Variants in DACH2 observed in about 807,000 individuals in gnomAD.
The protein encoded by DACH2 is dachshund homolog 2.
Under a neutral mutation model 35.8 loss-of-function variants are expected in DACH2, and 17 were observed. That is an observed-to-expected ratio of 0.48 (90% CI 0.33 to 0.71). The LOEUF is 0.71. DACH2 is among the 30% of genes least tolerant of loss of function. The pLI is 0.02. For synonymous variants in DACH2, 195 were observed against 177.3 expected, an observed-to-expected ratio of 1.10 and a Z score of -0.79; for missense variants, 469 against 472.7, an observed-to-expected ratio of 0.99 and a Z score of 0.07.
At chrX:86,608,462 A>G (rs1165719270) in intron 3 of DACH2, among the ~76,000 whole-genome samples, 2 of 112,065 alleles carry the variant, frequency 1.8e-5, no homozygotes, top group Admixed American at 1.9e-4. Context: ...TACTTAGGAT[A>G]AGAGTAGTTG....
intron 1 of DACH2, among the ~76,000 whole-genome samples, chrX:86,187,375 C>G (rs1387583609): frequency 9.3e-6 from 1 of 107,302 alleles, no homozygotes; most frequent in Non-Finnish European, 1.9e-5. Context: ...GCTATAATTT[C>G]TATTCAATAA....
chrX:86,150,114 AG>A (rs201152875), intron 1 of DACH2, among the ~76,000 whole-genome samples: 1 of 108,300 alleles, frequency 9.2e-6, no homozygotes, highest in African/African-American at 3.3e-5. Context: ...GAGTTTAAAA[AG>A]AAAAAAAGTA....
intron 7 of DACH2, among the ~76,000 whole-genome samples, chrX:86,747,684 G>T (rs2041728323): frequency 8.9e-6 from 1 of 111,796 alleles, no homozygotes; most frequent in African/African-American, 3.2e-5. Flanking sequence ...TTTACTGGTG[G>T]AGGGCCTTGC....
intron 2 of DACH2, among the ~76,000 whole-genome samples, chrX:86,393,096 T>G (rs969755586): frequency 2.6e-4 from 29 of 111,277 alleles, no homozygotes; most frequent in African/African-American, 9.2e-4. Flanking sequence ...AATGCTACCC[T>G]GTAGCATTTT....
chrX:86,772,685 A>T (rs929256019), intron 7 of DACH2, among the ~76,000 whole-genome samples: 2 of 111,427 alleles, frequency 1.8e-5, no homozygotes, highest in African/African-American at 6.5e-5. Context: ...CAGAGTTATT[A>T]TTCCCTTTTT....
intron 2 of DACH2, among the ~76,000 whole-genome samples, chrX:86,392,979 C>G (rs1474940599): frequency 9.1e-6 from 1 of 110,346 alleles, no homozygotes; most frequent in Non-Finnish European, 1.9e-5. Flanking sequence ...TAGTGGGTAG[C>G]AGTCAGGAAT....
intron 2 of DACH2, among the ~76,000 whole-genome samples, chrX:86,442,650 CAA>C (rs2037188833): frequency 9.2e-6 from 1 of 108,126 alleles, no homozygotes; most frequent in African/African-American, 3.4e-5. Flanking sequence ...AGCATCTCCC[CAA>C]GTTTTCTTCT....
At chrX:86,705,289 G>A (rs1378444202) in intron 5 of DACH2, among the ~76,000 whole-genome samples, 7 of 109,318 alleles carry the variant, frequency 6.4e-5, no homozygotes, top group South Asian at 7.9e-4. Context: ...TGGGGACTCC[G>A]GAAAATTTGG....
chrX:86,467,653 C>T (rs113431391), intron 2 of DACH2, among the ~76,000 whole-genome samples: 8,593 of 111,065 alleles, frequency 0.077, 851 homozygotes, highest in African/African-American at 0.27. Flanking sequence ...TACCAATTTA[C>T]TGTATTAGTT....
At chrX:86,515,215 A>G (rs769100127) in intron 3 of DACH2, among the ~76,000 whole-genome samples, 16 of 110,819 alleles carry the variant, frequency 1.4e-4, no homozygotes, top group African/African-American at 4.9e-4. Flanking sequence ...AACTGGGGAG[A>G]GTGGAATGTA....
chrX:86,758,019 T>C (rs964261150), intron 7 of DACH2, among the ~76,000 whole-genome samples: 6 of 112,176 alleles, frequency 5.3e-5, no homozygotes, highest in Non-Finnish European at 1.1e-4. Flanking sequence ...TTTTTCTATT[T>C]TCTCTAGGTT....
chrX:86,792,636 A>G (rs1362177495), intron 7 of DACH2, among the ~76,000 whole-genome samples: 1 of 111,636 alleles, frequency 9.0e-6, no homozygotes, highest in Non-Finnish European at 1.9e-5. Flanking sequence ...TTTGTATTTC[A>G]GTACCTAGCT....
intron 1 of DACH2, among the ~76,000 whole-genome samples, chrX:86,224,163 T>G (rs1287301495): frequency 8.9e-6 from 1 of 111,755 alleles, no homozygotes; most frequent in Non-Finnish European, 1.9e-5. Context: ...ATGTCAGCTT[T>G]TTTTTTCACT....
intron 4 of DACH2, among the ~76,000 whole-genome samples, chrX:86,689,983 C>A (rs2040991282): frequency 9.0e-6 from 1 of 111,462 alleles, no homozygotes; most frequent in African/African-American, 3.2e-5. Flanking sequence ...TCACACAATT[C>A]TAGTAGTCTT....
At position 86,707,972 on chromosome X, in the gene DACH2, C is replaced by A. The variant is rs983755743; in HGVS notation, c.932-6576C>A. ...AGTGGAATTTATTCCAAGTATGCAA[C>A]GGTAGCTCAACATTGGAAAATCAAT... On this transcript the variant is annotated intron_variant, in intron 5 of 11. Coordinates refer to ENST00000373125, the MANE Select transcript of DACH2 (RefSeq NM_053281.3). Among the ~76,000 whole-genome samples, 2 of 97,159 alleles carry A rather than the reference C, an allele frequency of 2.1e-5. 1 individual carries two copies. Among genetic ancestry groups the A allele is most frequent in the Non-Finnish European group, 4.0e-5 (2 of 49,762 alleles). 84.4% of individuals were successfully genotyped at this position (97,159 alleles called of 115,157 possible). A position where few individuals can be genotyped will look rare whatever the true frequency, so the allele number is the denominator to read the frequency against.
At chrX:86,699,141 A>G (rs2041109497) in intron 5 of DACH2, among the ~76,000 whole-genome samples, 1 of 111,840 alleles carries the variant, frequency 8.9e-6, no homozygotes, top group South Asian at 3.7e-4. Context: ...CACTCCAATG[A>G]CAGAACTAGA....
chrX:86,571,939 A>T (rs191902641), intron 3 of DACH2, among the ~76,000 whole-genome samples: 8 of 111,027 alleles, frequency 7.2e-5, no homozygotes, highest in African/African-American at 2.0e-4. Flanking sequence ...GGAATGCTTT[A>T]TGATTTTTAG....
chrX:86,436,961 T>G (rs2148178195), intron 2 of DACH2, among the ~76,000 whole-genome samples: 1 of 111,492 alleles, frequency 9.0e-6, no homozygotes, highest in African/African-American at 3.2e-5. Context: ...TATACTATCC[T>G]TATATTGTCC....
chrX:86,304,744 G>A, intron 1 of DACH2: 1 of 165,509 alleles, frequency 6.0e-6, no homozygotes. Context: ...AGTCAGATGG[G>A]GTGGTAGAAT....
Sources: allele counts gnomAD v4.1 joint callset (sites outside exome capture counted in the v4.1 genomes callset), GRCh38; gene constraint gnomAD v4.1.1; transcripts MANE v1.5; gene names NCBI Gene and HGNC (gene_info 2026-07-23, HGNC 2026-07-21).